The following ZAN variants were observed in gnomAD, a reference collection of about 807,000 sequenced individuals.
ZAN encodes the protein zonadhesin.
A neutral mutation model predicts 286.2 loss-of-function variants in ZAN; 260 were observed. The ratio of observed to expected loss-of-function variants is 0.91; its 90% CI spans 0.82 to 1.01. The LOEUF (loss-of-function observed/expected upper bound fraction) is 1.01. Among genes scored for constraint, ZAN ranks in the 50% least tolerant of loss-of-function variants. The pLI is 0.00. For synonymous variants in ZAN, 1,368 were observed against 1,417.5 expected, an observed-to-expected ratio of 0.97 and a Z score of 0.79; for missense variants, 3,410 against 3,639.2, an observed-to-expected ratio of 0.94 and a Z score of 1.62.
At chr7:100,777,415 C>T (rs373185791) in intron 34 of ZAN, among the ~76,000 whole-genome samples, 14 of 151,710 alleles carry the variant, frequency 9.2e-5, no homozygotes, top group South Asian at 2.1e-4. Flanking sequence ...AGTGCAGTGG[C>T]GCAATCTTGG....
chr7:100,775,697 C>T lies in ZAN; in HGVS notation c.6056C>T (p.Ala2019Val), dbSNP rs1409191707. The change falls in exon 33 of 48, where the codon GCC becomes GTC. Residue 2019 changes from alanine to valine, a missense_variant. By Grantham distance (64) the Ala-to-Val change is moderately conservative. This residue lies in a region of ZAN where 1,289 missense variants were observed against 1,314.3 expected (regional missense o/e 0.98). Transcript: ENST00000613979. Reference protein sequence around the residue: ...LINSKQVTLPAISQIPGVSVK... With the variant: ...LINSKQVTLPVISQIPGVSVK... The stretch of plus-strand genomic sequence containing the variant: ...AACAGCAAACAGGTCACCCTCCCCG[C>T]CATCTCCCAGATCCCTGGGGTCAGT... 1.9e-6 allele frequency: 3 copies of T among 1,613,810 alleles called. No individual in the cohort carries two copies. Among genetic ancestry groups the T allele is most frequent in the African/African-American group, 2.7e-5 (2 of 74,924 alleles).
Position 100,788,081 on chromosome 7 carries a change from T to A in ZAN, c.7172T>A (p.Val2391Glu). 6.3e-7 allele frequency: 1 copy of A among 1,581,228 alleles called. No individual in the cohort carries two copies. Among genetic ancestry groups the A allele is most frequent in the Non-Finnish European group, 8.6e-7 (1 of 1,157,832 alleles). ...PPRSSIFLQE[V>E]ITTVYGYKVQ... ...AGGAGCTCCATCTTCTTGCAGGAAG[T>A]GATTACCACCGTCTACGGCTATAAA... The change falls in exon 38 of 48, where the codon GTG becomes GAG. Residue 2391 changes from valine (V) to glutamate (E), a missense_variant. Transcript: ENST00000613979.
At chr7:100,736,456 A>G in intron 3 of ZAN, 27 bp from the exon 4 acceptor site, 2 of 1,521,866 alleles carry the variant, frequency 1.3e-6, no homozygotes, top group African/African-American at 2.8e-5. Flanking sequence ...CCCTCTCTGA[A>G]ACCTCACTGT....
chr7:100,773,253 C>T lies in ZAN; in HGVS notation c.5426-32C>T, dbSNP rs780478760. The T allele has an allele frequency of 8.7e-6, 14 of 1,606,544 alleles. No homozygotes were observed. The South Asian group carries it at 9.9e-5, about 11-fold the overall frequency. On this transcript the variant is annotated intron_variant, in intron 29 of 47. Transcript: ENST00000613979. ...AAGGTTTGGGGGCTGGACATGCCAC[C>T]CCACTCTTCCTAATGCTCTCATTTT... is the stretch of plus-strand genomic sequence containing the variant.
In ZAN at chr7:100,779,484, C is replaced by T. The variant is rs371443575; in HGVS notation, c.6356C>T (p.Ala2119Val). The change falls in exon 35 of 48, where the codon GCG becomes GTG. Residue 2119 changes from alanine (A) to valine (V), a missense_variant. Transcript: ENST00000613979. ...CTGGTAGATGAGCAGCAGATTCCAGCGGAACAGCAGGAGAACCCGAGTGGA... is the reference window on the plus strand; with the variant it reads ...CTGGTAGATGAGCAGCAGATTCCAGTGGAACAGCAGGAGAACCCGAGTGGA... ...SLLVDEQQIP[A>V]EQQENPSGNC... 22 of 1,610,808 alleles carry T rather than the reference C, an allele frequency of 1.4e-5. No individual in the cohort carries two copies. The African/African-American group carries it at 1.9e-4, about 14-fold the overall frequency.
chr7:100,793,130 A>G (rs1364891927), intron 42 of ZAN, among the ~76,000 whole-genome samples: 1 of 151,914 alleles, frequency 6.6e-6, no homozygotes, highest in African/African-American at 2.4e-5. Flanking sequence ...ATTGAATCCA[A>G]GAGTTTGAGA....
rs1383415585 is a variant in ZAN at position 100,750,625 on chromosome 7, G to A, written c.1250G>A (p.Gly417Glu). The A allele has an allele frequency of 2.5e-6, 4 of 1,612,946 alleles. No homozygotes were observed. The highest frequency in any genetic ancestry group is 2.5e-6 in the Non-Finnish European group (3 of 1,179,564). The change falls in exon 12 of 48, where the codon GGG becomes GAG. Residue 417 changes from glycine (G) to glutamate (E), a missense_variant and splice_region_variant. Physicochemically the swap from Gly to Glu is moderately conservative, Grantham distance 98 (BLOSUM62 -2). Transcript: ENST00000613979. Reference sequence around the variant, plus strand: ...TTGCCTGTTCCCTTCCTTTGCCTAGGGGGTCACTATATCTACCTTGAGGCT... The same window carrying A: ...TTGCCTGTTCCCTTCCTTTGCCTAGAGGGTCACTATATCTACCTTGAGGCT... ...MGPAGGFPNA[G>E]GHYIYLEADE... is the part of the protein sequence containing the mutation.
At position 100,791,947 on chromosome 7, in the gene ZAN, G is replaced by A. The variant is rs371751823; in HGVS notation, c.7530-19G>A. On this transcript the variant is annotated intron_variant, in intron 40 of 47. Transcript: ENST00000613979. ...CTTCCTTGGGGCCTCACCTGACCCC[G>A]TGGCTGTCTCTACTGCAGGGCTATA... 17 of 1,600,276 alleles carry A rather than the reference G, an allele frequency of 1.1e-5. No individual in the cohort carries two copies. Among genetic ancestry groups the A allele is most frequent in the East Asian group, 4.5e-5 (2 of 44,500 alleles).
chr7:100,788,812 C>A (rs1304250551), intron 38 of ZAN, among the ~76,000 whole-genome samples: 2 of 152,106 alleles, frequency 1.3e-5, no homozygotes, highest in African/African-American at 2.4e-5. Flanking sequence ...GATTATCCTG[C>A]CTCAACCTCC....
rs978554149 is a variant in ZAN, at chr7:100,755,094, G to A, written c.3125-132G>A. 4.6e-6 allele frequency: 5 copies of A among 1,095,380 alleles called. No homozygotes were observed. The African/African-American group carries it at 7.9e-5, about 17-fold the overall frequency. The allele number at this position is 1,095,380 out of a possible 1,614,324, so 67.9% of individuals were successfully genotyped here. ...TGTGAGCCACCGCACCCAGCCTTCA[G>A]GCCTTTTTATGGCTAAATAATATGG... is the stretch of plus-strand genomic sequence containing the variant. On this transcript the variant is annotated intron_variant, in intron 14 of 47. Coordinates refer to ENST00000613979, the MANE Select transcript of ZAN (RefSeq NM_003386.3).
chr7:100,784,497 A>T, intron 35 of ZAN, 126 bp from the exon 36 acceptor site: 1 of 883,560 alleles, frequency 1.1e-6, no homozygotes, highest in Non-Finnish European at 1.7e-6. Flanking sequence ...TGAATGAATA[A>T]CAAAAGAACA....
intron 20 of ZAN, 42 bp downstream of exon 20, chr7:100,762,400 G>C: frequency 6.7e-7 from 1 of 1,502,892 alleles, no homozygotes; most frequent in Non-Finnish European, 8.9e-7. Flanking sequence ...GGAAGGTTCC[G>C]TCCCCTTCCT....
At position 100,797,640 on chromosome 7, in the gene ZAN, C is replaced by T; in HGVS notation, c.8413+17C>T. On this transcript the variant is annotated intron_variant, in intron 47 of 47. Coordinates refer to ENST00000613979, the MANE Select transcript of ZAN (RefSeq NM_003386.3). ...TGGACACAGGTGAGAACCAACCCCA[C>T]AGCCCGGAACCTCGGGGCCTAGAGT... 1 of 1,614,040 alleles carries T rather than the reference C, an allele frequency of 6.2e-7. No individual in the cohort carries two copies. Among genetic ancestry groups the T allele is most frequent in the East Asian group, 2.2e-5 (1 of 44,882 alleles).
rs748427500 is a variant in ZAN, at chr7:100,775,779, G to A, written c.6138G>A (p.Lys2046=). The change falls in exon 33 of 48, where the codon AAG becomes AAA. Residue 2046 remains lysine, a synonymous_variant. Coordinates refer to ENST00000613979, the MANE Select transcript of ZAN (RefSeq NM_003386.3). ...IVNIKIGVQV[K]FDGNHLLEIE... is the part of the protein sequence containing the mutation. ...ACATCAAGATCGGGGTGCAAGTCAA[G>A]TTTGACGGGAATCATCTCTTAGAGA... 6.2e-7 allele frequency: 1 copy of A among 1,613,886 alleles called. No individual in the cohort carries two copies. Among genetic ancestry groups the A allele is most frequent in the South Asian group, 1.1e-5 (1 of 91,084 alleles).
In ZAN at chr7:100,767,643, T is replaced by A. The variant is rs190872289; in HGVS notation, c.4861-188T>A. ...GGCATGCACCACCTGCACGGCTAAT[T>A]TTTTTTTTCACTTTTTGTAGAGACG... On this transcript the variant is annotated intron_variant, in intron 25 of 47. Transcript: ENST00000613979. 4.8e-3 allele frequency among the ~76,000 whole-genome samples: 721 copies of A among 150,570 alleles called. 4 individuals are homozygous for A. Among genetic ancestry groups the A allele is most frequent in the Admixed American group, 6.2e-3 (93 of 15,046 alleles).
intron 31 of ZAN, among the ~76,000 whole-genome samples, chr7:100,774,105 G>A (rs539522586): frequency 6.6e-6 from 1 of 152,288 alleles, no homozygotes; most frequent in Admixed American, 6.5e-5. Flanking sequence ...ATCCTTCCCT[G>A]GGGCCAGACG....
intron 2 of ZAN, among the ~76,000 whole-genome samples, chr7:100,735,245 T>C (rs1186789420): frequency 7.5e-6 from 1 of 134,144 alleles, no homozygotes; most frequent in African/African-American, 2.7e-5. Flanking sequence ...TTGGGAGAAT[T>C]TGAACAAGTA....
Position 100,737,357 on chromosome 7 carries a change from CCT to C in ZAN, c.613+9_613+10del, listed in dbSNP as rs1807388961. ...GGGGCTCCTGTAATCGCGGTGAGTC[CCT>C]GTCCCTCCTCCCGCCTGCCCTCGGA... On this transcript the variant is annotated intron_variant, in intron 6 of 47. Coordinates refer to ENST00000613979, the MANE Select transcript of ZAN (RefSeq NM_003386.3). The C allele has an allele frequency of 7.0e-7, 1 of 1,431,942 alleles. No homozygotes were observed. Among genetic ancestry groups the C allele is most frequent in the African/African-American group, 1.5e-5 (1 of 68,382 alleles). The allele number at this position is 1,431,942 out of a possible 1,614,324, so 88.7% of individuals were successfully genotyped here.
In ZAN at chr7:100,793,953, C is replaced by T. The variant is rs1812172496; in HGVS notation, c.7921C>T (p.Leu2641=). 3.1e-6 allele frequency: 5 copies of T among 1,613,922 alleles called. No homozygotes were observed. Among genetic ancestry groups the T allele is most frequent in the Non-Finnish European group, 4.2e-6 (5 of 1,179,874 alleles). The change falls in exon 43 of 48, where the codon CTA becomes TTA. Residue 2641 remains leucine, a synonymous_variant. Transcript: ENST00000613979. ...GCTGCGCCAGCATCCCAGGCTATGC[C>T]TACAGTGGCACCCAGAGCCTCCCCT... ...GRLRQHPRLC[L]QWHPEPPLAD...
Sources: allele counts gnomAD v4.1 joint callset (sites outside exome capture counted in the v4.1 genomes callset), GRCh38; gene constraint gnomAD v4.1.1; regional missense constraint gnomAD v4.1.1; transcripts MANE v1.5; gene names NCBI Gene and HGNC (gene_info 2026-07-23, HGNC 2026-07-21).